CASP9: variants seen among roughly 807,000 people sequenced by gnomAD.
CASP9 encodes the protein caspase-9.
A neutral mutation model predicts 43.5 loss-of-function variants in CASP9; 29 were observed. That is an observed-to-expected ratio of 0.67 (90% CI 0.50 to 0.91). CASP9 has a LOEUF of 0.91. Ranked by LOEUF, CASP9 falls within the 40% of genes least tolerant of loss-of-function variation. The pLI is 0.00. For synonymous variants in CASP9, 206 were observed against 211.9 expected (o/e 0.97, Z 0.24); for missense variants, 575 against 537.4 (o/e 1.07, Z -0.69).
upstream of CASP9, chr1:15,524,614 T>G (rs916310537): frequency 2.5e-3 from 1,772 of 711,252 alleles, 1 homozygote; most frequent in Admixed American, 8.5e-3. Flanking sequence ...CGCGTTACCG[T>G]CCCGCCCGCA....
At chr1:15,506,152 A>G (rs1006000005) in intron 4 of CASP9, 73 bp from the exon 5 acceptor site, 1 of 1,036,142 alleles carries the variant, frequency 9.7e-7, no homozygotes, top group Non-Finnish European at 1.5e-6. Context: ...TCCTAACAAT[A>G]AAAGGGCCCA....
chr1:15,506,306 T>A (rs979956800), intron 4 of CASP9, among the ~76,000 whole-genome samples: 3 of 136,054 alleles, frequency 2.2e-5, no homozygotes, highest in Admixed American at 7.2e-5. Flanking sequence ...AAAAAAAAAA[T>A]TTAGCCAGGC....
At chr1:15,511,239 C>CTAGA (rs1240557627) in intron 2 of CASP9, among the ~76,000 whole-genome samples, 1 of 152,120 alleles carries the variant, frequency 6.6e-6, no homozygotes, top group African/African-American at 2.4e-5. Context: ...GGGTGATAAC[C>CTAGA]TAGATACCTT....
chr1:15,504,602 G>A lies in CASP9; in HGVS notation c.868+9C>T, dbSNP rs971116624. On this transcript the variant is annotated intron_variant, in intron 6 of 8. Coordinates refer to ENST00000333868, the MANE Select transcript of CASP9 (RefSeq NM_001229.5). ...GACCCACCCAGAGGGAGGCTGAGGA[G>A]CTGCTTACCCCCACCACAGGCCTGG... The A allele has an allele frequency of 1.2e-6, 2 of 1,608,176 alleles. No individual in the cohort carries two copies. The highest frequency in any genetic ancestry group is 1.7e-6 in the Non-Finnish European group (2 of 1,177,426).
rs4646008 is a variant in CASP9 at position 15,518,232 on chromosome 1, G to A, written c.296C>T (p.Ser99Leu). 3.2e-5 allele frequency: 51 copies of A among 1,614,044 alleles called. No homozygotes were observed. The highest frequency in any genetic ancestry group is 6.6e-5 in the South Asian group (6 of 91,074). ...GGTAAGGTTTTCTAGGGTTGGCTTC[G>A]ACAACTTTGCTGCTTGCCTGTTAGT... ...LRTNRQAAKL[S>L]KPTLENLTPV... Residue 99 changes from serine (S) to leucine (L), a missense_variant, in exon 2 of 9, where the codon TCG (serine) becomes TTG (leucine). Ser to Leu is a moderately radical substitution (Grantham distance 145). Coordinates refer to ENST00000333868, the MANE Select transcript of CASP9 (RefSeq NM_001229.5).
intron 2 of CASP9, among the ~76,000 whole-genome samples, chr1:15,514,216 C>T (rs753020624): frequency 6.6e-6 from 1 of 152,170 alleles, no homozygotes; most frequent in Non-Finnish European, 1.5e-5. Context: ...TCAGCTATAA[C>T]AACCAGATTT....
chr1:15,500,132 A>T (rs4646080), intron 6 of CASP9, among the ~76,000 whole-genome samples: 41,625 of 151,388 alleles, frequency 0.27, 6,544 homozygotes, highest in African/African-American at 0.42. Flanking sequence ...AAAAAATATA[A>T]ATATATATTT....
At position 15,495,282 on chromosome 1, in the gene CASP9, T is replaced by C; in HGVS notation, c.1039A>G (p.Thr347Ala). 1.2e-6 allele frequency: 2 copies of C among 1,610,228 alleles called. No individual in the cohort carries two copies. Among genetic ancestry groups the C allele is most frequent in the East Asian group, 2.2e-5 (1 of 44,746 alleles). The change falls in exon 7 of 9, where the codon ACT (threonine) becomes GCT (alanine). Residue 347 changes from threonine (T) to alanine (A), a missense_variant. Physicochemically the swap from Thr to Ala is moderately conservative, Grantham distance 58. Transcript: ENST00000333868. ...CTTCTGATGTGCTCACCTGGGAAAG[T>C]AGAGTAGGACACAAAGATGTCACTG... is the stretch of plus-strand genomic sequence containing the variant. The part of the protein sequence containing the change: ...TPSDIFVSYS[T>A]FPGFVSWRDP...
intron 6 of CASP9, among the ~76,000 whole-genome samples, chr1:15,496,817 C>T (rs555674826): frequency 6.6e-6 from 1 of 151,514 alleles, no homozygotes; most frequent in Non-Finnish European, 1.5e-5. Context: ...TCCCTTGAGC[C>T]CAGGAGTTCC....
chr1:15,494,086 C>G (rs892046162), intron 7 of CASP9, 85 bp from the exon 8 acceptor site: 8 of 1,510,462 alleles, frequency 5.3e-6, no homozygotes, highest in Non-Finnish European at 6.2e-6. Context: ...CACGCTGGCT[C>G]GGGCGCCCTC....
At chr1:15,496,919 G>T (rs1420125829) in intron 6 of CASP9, among the ~76,000 whole-genome samples, 1 of 152,098 alleles carries the variant, frequency 6.6e-6, no homozygotes, top group African/African-American at 2.4e-5. Flanking sequence ...TGAGGCTGAG[G>T]TGGGAGAACC....
intron 6 of CASP9, among the ~76,000 whole-genome samples, chr1:15,496,860 A>C (rs1292061924): frequency 6.6e-6 from 1 of 151,472 alleles, no homozygotes; most frequent in Admixed American, 6.6e-5. Context: ...ACACATAATA[A>C]AAAATTTAGC....
chr1:15,518,455 T>C (rs1710046801), intron 1 of CASP9, 60 bp from the exon 2 acceptor site: 2 of 1,533,540 alleles, frequency 1.3e-6, no homozygotes, highest in African/African-American at 2.7e-5. Flanking sequence ...GCTCTCACCT[T>C]GTCTCCCCAT....
At chr1:15,524,300 C>G (rs1375725265), upstream of CASP9, 3 of 1,470,506 alleles carry the variant, frequency 2.0e-6, no homozygotes, top group African/African-American at 3.0e-5. Flanking sequence ...AGGGCCTGCC[C>G]CCGCGTCACG....
Position 15,512,896 on chromosome 1 carries a change from G to A in CASP9, c.419-4989C>T, listed in dbSNP as rs927122851. Among the ~76,000 whole-genome samples the A allele has an allele frequency of 5.3e-5, 8 of 152,184 alleles. No homozygotes were observed. In the South Asian group the frequency reaches 1.2e-3, roughly 24 times the overall value. The stretch of plus-strand genomic sequence containing the variant: ...GGCTTGGCCAGGTGCAGTGGCTCAC[G>A]CCTGTAATCCCACCACTTTGGGAGG... On this transcript the variant is annotated intron_variant, in intron 2 of 8. Coordinates refer to ENST00000333868, the MANE Select transcript of CASP9 (RefSeq NM_001229.5).
intron 6 of CASP9, among the ~76,000 whole-genome samples, chr1:15,502,209 T>C (rs4646068): frequency 0.3 from 46,162 of 151,806 alleles, 7,445 homozygotes; most frequent in East Asian, 0.58. Flanking sequence ...GACAGTGCTA[T>C]GGTAGGGGAG....
chr1:15,515,822 G>A lies in CASP9; in HGVS notation c.418+2288C>T, dbSNP rs372196752. The stretch of plus-strand genomic sequence containing the variant: ...TGTAATTCCAGCACTTTGGGAGGCC[G>A]AGGTGGGCAGACTACTGGAGCACAG... On this transcript the variant is annotated intron_variant, in intron 2 of 8. Transcript: ENST00000333868. 1.4e-4 allele frequency among the ~76,000 whole-genome samples: 21 copies of A among 152,274 alleles called. No homozygotes were observed. The South Asian group carries it at 3.1e-3, about 23-fold the overall frequency.
intron 1 of CASP9, among the ~76,000 whole-genome samples, chr1:15,518,878 T>G (rs867847837): frequency 5.9e-5 from 9 of 152,126 alleles, no homozygotes; most frequent in Middle Eastern, 6.8e-3. Flanking sequence ...GTTTTTGTTT[T>G]TTTTTTTTTT....
intron 6 of CASP9, among the ~76,000 whole-genome samples, chr1:15,498,070 G>C (rs190579190): frequency 6.6e-6 from 1 of 151,836 alleles, no homozygotes; most frequent in East Asian, 1.9e-4. Context: ...GTTTTGTTTT[G>C]GGGGATTGTT....
Sources: allele counts gnomAD v4.1 joint callset (sites outside exome capture counted in the v4.1 genomes callset), GRCh38; gene constraint gnomAD v4.1.1; transcripts MANE v1.5; gene names NCBI Gene and HGNC (gene_info 2026-07-23, HGNC 2026-07-21).